Variants in SAE1 observed in about 807,000 individuals in gnomAD.
The protein encoded by SAE1 is SUMO1 activating enzyme subunit 1.
In SAE1, 11 loss-of-function variants were observed where a neutral mutation model predicts 40.6. The observed-to-expected ratio is 0.27, with a 90% CI of 0.17 to 0.45. The LOEUF (loss-of-function observed/expected upper bound fraction) is 0.45. Ranked by LOEUF, SAE1 falls within the 20% of genes least tolerant of loss-of-function variation. The probability of loss-of-function intolerance (pLI) is 1.00; values close to 1 mark genes in which losing one functional copy is unlikely to be tolerated. For synonymous variants in SAE1, 155 were observed against 154.3 expected, an observed-to-expected ratio of 1.00 and a Z score of -0.03; for missense variants, 373 against 427.3, an observed-to-expected ratio of 0.87 and a Z score of 1.12.
intron 5 of SAE1, among the ~76,000 whole-genome samples, chr19:47,162,290 A>G (rs577579364): frequency 7.2e-4 from 109 of 152,214 alleles, no homozygotes; most frequent in Non-Finnish European, 1.4e-3. Context: ...ATTGTGCTGC[A>G]TAAGCATTTT....
intron 6 of SAE1, among the ~76,000 whole-genome samples, chr19:47,170,310 G>A (rs949311695): frequency 4.0e-5 from 6 of 150,924 alleles, no homozygotes; most frequent in Non-Finnish European, 5.9e-5. Flanking sequence ...CACCTCCTGG[G>A]TTGAAGCGAT....
intron 4 of SAE1, 62 bp from the exon 5 acceptor site, chr19:47,155,052 T>C (rs1020115197): frequency 3.7e-6 from 4 of 1,084,884 alleles, no homozygotes; most frequent in Non-Finnish European, 4.2e-6. Flanking sequence ...AGAGGCTTTT[T>C]TTGATTCCAA....
chr19:47,169,840 A>C lies in SAE1; in HGVS notation c.650A>C (p.Lys217Thr). ...VKKKVVFCPV[K>T]EALEVDWSSE... is the part of the protein sequence containing the mutation. ...CAGAAGGTGGTCTTCTGCCCTGTTA[A>C]AGAAGCCCTGGAGGTGGACTGGAGC... Residue 217 changes from lysine (K) to threonine (T), a missense_variant, in exon 6 of 9, where the codon AAA becomes ACA. Lys to Thr is a moderately conservative substitution (Grantham distance 78). Around this residue, in one of 3 missense-constraint regions of SAE1, gnomAD observed 351 missense variants for 390.6 expected, o/e 0.90. Coordinates refer to ENST00000270225, the MANE Select transcript of SAE1 (RefSeq NM_005500.3). 6.2e-7 allele frequency: 1 copy of C among 1,614,084 alleles called. No homozygotes were observed.
At chr19:47,191,635 C>G (rs998531018) in intron 6 of SAE1, among the ~76,000 whole-genome samples, 2 of 152,300 alleles carry the variant, frequency 1.3e-5, no homozygotes, top group South Asian at 4.1e-4. Context: ...CTAGATGACT[C>G]TTGTGCGATC....
chr19:47,134,160 CT>C (rs1316546495), intron 1 of SAE1, among the ~76,000 whole-genome samples: 1 of 152,062 alleles, frequency 6.6e-6, no homozygotes, highest in African/African-American at 2.4e-5. Context: ...CATGCCCGGC[CT>C]CAGATTTGTT....
intron 6 of SAE1, among the ~76,000 whole-genome samples, chr19:47,173,045 C>G (rs1432878267): frequency 6.6e-6 from 1 of 152,050 alleles, no homozygotes; most frequent in Non-Finnish European, 1.5e-5. Context: ...TCTTTTTCCC[C>G]AGAGACAGAG....
intron 1 of SAE1, among the ~76,000 whole-genome samples, chr19:47,133,433 G>A (rs2058159688): frequency 6.6e-6 from 1 of 152,180 alleles, no homozygotes; most frequent in Admixed American, 6.6e-5. Context: ...CACCATGTTA[G>A]ACAGGATAGT....
At chr19:47,177,918 A>G (rs909085189) in intron 6 of SAE1, among the ~76,000 whole-genome samples, 8 of 152,092 alleles carry the variant, frequency 5.3e-5, no homozygotes, top group African/African-American at 1.9e-4. Context: ...GAGCTTGGAG[A>G]GAGCAGGCTA....
chr19:47,151,991 T>C (rs978590220), intron 3 of SAE1, among the ~76,000 whole-genome samples: 1 of 152,228 alleles, frequency 6.6e-6, no homozygotes, highest in African/African-American at 2.4e-5. Flanking sequence ...TTTCTTACTT[T>C]TTAGATGGGA....
At chr19:47,141,429 A>G (rs1482945149) in intron 1 of SAE1, among the ~76,000 whole-genome samples, 3 of 152,092 alleles carry the variant, frequency 2.0e-5, no homozygotes, top group African/African-American at 7.2e-5. Flanking sequence ...GGCATGAGTC[A>G]CCGGGCCCGG....
At chr19:47,192,028 TG>T (rs1239119684) in intron 6 of SAE1, among the ~76,000 whole-genome samples, 14 of 146,584 alleles carry the variant, frequency 9.6e-5, no homozygotes, top group Admixed American at 6.9e-5. Context: ...CACTCCAGCC[TG>T]GGCAACAGAG....
At chr19:47,208,566 G>A (rs576001862) in intron 8 of SAE1, among the ~76,000 whole-genome samples, 388 of 152,030 alleles carry the variant, frequency 2.6e-3, no homozygotes, top group African/African-American at 8.8e-3. Context: ...TCAGCCTCCC[G>A]AGTAGCATGC....
At chr19:47,154,414 A>AGTG (rs1433400403) in intron 4 of SAE1, among the ~76,000 whole-genome samples, 1 of 141,642 alleles carries the variant, frequency 7.1e-6, no homozygotes, top group Non-Finnish European at 1.5e-5. Flanking sequence ...AAGTTATAGT[A>AGTG]GTGGGAAGCA....
rs956257055 is a variant in SAE1, at chr19:47,209,187, A to T, written c.977A>T (p.Asn326Ile). 6.2e-7 allele frequency: 1 copy of T among 1,613,728 alleles called. No homozygotes were observed. Among genetic ancestry groups the T allele is most frequent in the Non-Finnish European group, 8.5e-7 (1 of 1,179,948 alleles). Residue 326 changes from asparagine to isoleucine, a missense_variant, in exon 9 of 9, where the codon AAC becomes ATC. Asn to Ile is a moderately radical substitution (Grantham distance 149, BLOSUM62 -3). Coordinates refer to ENST00000270225, the MANE Select transcript of SAE1 (RefSeq NM_005500.3). ...CTGTCTCAGCGGGACCCTCCTCACA[A>T]CAACTTCTTCTTCTTCGATGGCATG... is the stretch of plus-strand genomic sequence containing the variant. ...KALSQRDPPHNNFFFFDGMKG... is the reference protein window; with the variant it reads ...KALSQRDPPHINFFFFDGMKG...
chr19:47,171,599 C>T (rs1417314082), intron 6 of SAE1, among the ~76,000 whole-genome samples: 1 of 152,168 alleles, frequency 6.6e-6, no homozygotes, highest in Non-Finnish European at 1.5e-5. Context: ...TCACAGGCAC[C>T]TGCCACCACG....
At chr19:47,177,571 T>A (rs937339798) in intron 6 of SAE1, among the ~76,000 whole-genome samples, 3 of 152,156 alleles carry the variant, frequency 2.0e-5, no homozygotes, top group African/African-American at 7.2e-5. Context: ...GGTCTTGCTA[T>A]GTTGCCCAGG....
chr19:47,193,581 G>A (rs909038205), intron 6 of SAE1, among the ~76,000 whole-genome samples: 3 of 151,374 alleles, frequency 2.0e-5, no homozygotes, highest in Non-Finnish European at 2.9e-5. Flanking sequence ...CAGCACTTTG[G>A]GGGGCCAAGG....
chr19:47,137,653 C>T (rs187596144), intron 1 of SAE1, among the ~76,000 whole-genome samples: 73 of 151,500 alleles, frequency 4.8e-4, no homozygotes, highest in African/African-American at 1.7e-3. Context: ...TATGCCATAT[C>T]ACTCAGCTAA....
intron 3 of SAE1, among the ~76,000 whole-genome samples, chr19:47,151,555 T>G (rs923361802): frequency 3.3e-5 from 5 of 152,144 alleles, no homozygotes; most frequent in African/African-American, 4.8e-5. Context: ...CACTGCAACC[T>G]CCGCCTCCCT....
Sources: allele counts gnomAD v4.1 joint callset (sites outside exome capture counted in the v4.1 genomes callset), GRCh38; gene constraint gnomAD v4.1.1; regional missense constraint gnomAD v4.1.1; transcripts MANE v1.5; gene names NCBI Gene and HGNC (gene_info 2026-07-23, HGNC 2026-07-21).